The following FMO4 variants were observed in gnomAD, a reference collection of about 807,000 sequenced individuals.
The protein encoded by FMO4 is flavin containing dimethylaniline monoxygenase 4.
FMO4 carries 38 observed loss-of-function variants against 43.3 expected under a neutral mutation model. That is an observed-to-expected ratio of 0.88 (90% confidence interval 0.68 to 1.15). The LOEUF (loss-of-function observed/expected upper bound fraction) is 1.15. Ranked by LOEUF, FMO4 falls within the 50% of genes most tolerant of loss-of-function variation. The pLI is 0.00. For missense variants in FMO4, 631 were observed against 663.3 expected, an observed-to-expected ratio of 0.95 and a Z score of 0.54; for synonymous variants, 224 against 232.2, an observed-to-expected ratio of 0.96 and a Z score of 0.32.
chr1:171,337,276 G>A (rs968897961), intron 8 of FMO4, 80 bp from the exon 9 acceptor site: 1 of 908,442 alleles, frequency 1.1e-6, no homozygotes, highest in Non-Finnish European at 1.9e-6. Flanking sequence ...GCAGTGGGAG[G>A]CTAGAAATGA....
chr1:171,321,014 A>G (rs1054065635), intron 3 of FMO4, among the ~76,000 whole-genome samples: 4 of 152,050 alleles, frequency 2.6e-5, no homozygotes, highest in African/African-American at 9.7e-5. Flanking sequence ...TATAAGCAGG[A>G]GTAACCATAA....
chr1:171,336,961 G>GCAAACA (rs1553253522), intron 8 of FMO4, among the ~76,000 whole-genome samples: 62 of 147,112 alleles, frequency 4.2e-4, no homozygotes, highest in African/African-American at 1.5e-3. Context: ...ACACAAACAT[G>GCAAACA]CACACACACA....
At chr1:171,325,816 C>CTTTTTTTTTTTTTTTTTTTTTTTT (rs1558037717) in intron 5 of FMO4, among the ~76,000 whole-genome samples, 1 of 75,594 alleles carries the variant, frequency 1.3e-5, no homozygotes, top group African/African-American at 4.3e-5. Context: ...CATAGACTAT[C>CTTTTTTTTTTTTTTTTTTTTTTTT]CTTTTTTTTT....
Position 171,314,889 on chromosome 1 carries a change from C to T in FMO4, c.-151+476C>T, listed in dbSNP as rs538283270. On this transcript the variant is annotated intron_variant, in intron 1 of 9. Transcript: ENST00000367749. ...AAATCACCCAAGTCTCTCCATGTCT[C>T]ATAAAGGATTCCTACATTTGCTGGT... Among the ~76,000 whole-genome samples, 53 of 152,292 alleles carry T rather than the reference C, an allele frequency of 3.5e-4. No homozygotes were observed. In the South Asian group the frequency reaches 0.011, roughly 30 times the overall value.
At chr1:171,328,956 T>G (rs959773450) in intron 5 of FMO4, among the ~76,000 whole-genome samples, 1 of 152,174 alleles carries the variant, frequency 6.6e-6, no homozygotes, top group African/African-American at 2.4e-5. Context: ...AACTAAAATG[T>G]CCTGTTCAGG....
Position 171,319,822 on chromosome 1 carries a change from T to C in FMO4, c.-4T>C. 6.2e-7 allele frequency: 1 copy of C among 1,613,710 alleles called. No individual in the cohort carries two copies. Among genetic ancestry groups the C allele is most frequent in the South Asian group, 1.1e-5 (1 of 91,068 alleles). On this transcript the variant is annotated 5_prime_UTR_variant, in exon 3 of 10. Coordinates refer to ENST00000367749, the MANE Select transcript of FMO4 (RefSeq NM_002022.3). The stretch of plus-strand genomic sequence containing the variant: ...TGCTTGACTTTCCTCTAACAGAGCA[T>C]ACCATGGCCAAGAAAGTTGCAGTGA...
At chr1:171,319,717 A>C in intron 2 of FMO4, 101 bp from the exon 3 acceptor site, 3 of 935,936 alleles carry the variant, frequency 3.2e-6, no homozygotes, top group Non-Finnish European at 4.9e-6. Flanking sequence ...CTCAAAGATG[A>C]AAAAAAGGCA....
At chr1:171,327,333 G>C (rs1349109243) in intron 5 of FMO4, among the ~76,000 whole-genome samples, 2 of 152,194 alleles carry the variant, frequency 1.3e-5, no homozygotes, top group East Asian at 3.8e-4. Flanking sequence ...TTCTGGGAGG[G>C]AGTATAGTAT....
chr1:171,328,003 TTTAC>T (rs1212831147), intron 5 of FMO4, among the ~76,000 whole-genome samples: 2 of 152,184 alleles, frequency 1.3e-5, no homozygotes, highest in Non-Finnish European at 2.9e-5. Flanking sequence ...CTATTTTCTG[TTTAC>T]TTACTTACAT....
chr1:171,340,142 A>G (rs1663308853), intron 9 of FMO4, among the ~76,000 whole-genome samples: 1 of 152,220 alleles, frequency 6.6e-6, no homozygotes, highest in African/African-American at 2.4e-5. Flanking sequence ...CAGTTGTCCT[A>G]CGGACAACTT....
Position 171,341,473 on chromosome 1 carries a change from C to T in FMO4, c.1311C>T (p.Ile437=), listed in dbSNP as rs531809230. 33 of 1,613,882 alleles carry T rather than the reference C, an allele frequency of 2.0e-5. No individual in the cohort carries two copies. In the African/African-American group the frequency reaches 3.3e-4, roughly 16 times the overall value. ...ACTACATTGCCTACATGGATGATAT[C>T]GCTGCCTGCATAGGCACAAAGCCCA... ...KFDYIAYMDD[I]AACIGTKPSI... is the part of the protein sequence containing the mutation. Residue 437 remains isoleucine, a synonymous_variant, in exon 10 of 10, where the codon ATC becomes ATT. Transcript: ENST00000367749.
chr1:171,334,799 C>A, intron 8 of FMO4, 36 bp downstream of exon 8: 3 of 1,275,910 alleles, frequency 2.4e-6, no homozygotes, highest in Admixed American at 2.5e-5. Context: ...CTCTTTGGAT[C>A]GTAAAATTGG....
intron 8 of FMO4, among the ~76,000 whole-genome samples, chr1:171,335,616 T>C (rs1428489892): frequency 6.6e-6 from 1 of 152,172 alleles, no homozygotes; most frequent in Non-Finnish European, 1.5e-5. Context: ...CAATAACTTA[T>C]AAATAGCATA....
chr1:171,335,385 C>T (rs1663078264), intron 8 of FMO4, among the ~76,000 whole-genome samples: 1 of 152,160 alleles, frequency 6.6e-6, no homozygotes, highest in African/African-American at 2.4e-5. Context: ...AAGCAATTAG[C>T]ACAGTACTTG....
At chr1:171,316,450 A>G (rs1210109962) in intron 2 of FMO4, 123 bp downstream of exon 2, 1 of 152,230 alleles carries the variant, frequency 6.6e-6, no homozygotes, top group Non-Finnish European at 1.5e-5. Flanking sequence ...CACTGAGTAA[A>G]TATTTTGTGC....
chr1:171,327,033 T>C (rs937427836), intron 5 of FMO4, among the ~76,000 whole-genome samples: 6 of 152,218 alleles, frequency 3.9e-5, no homozygotes, highest in African/African-American at 1.4e-4. Flanking sequence ...GGAGAATCTG[T>C]CATTTGCAAG....
At chr1:171,331,092 G>A (rs996844667) in intron 5 of FMO4, among the ~76,000 whole-genome samples, 2 of 152,114 alleles carry the variant, frequency 1.3e-5, no homozygotes, top group African/African-American at 4.8e-5. Flanking sequence ...AATTTAATAT[G>A]TAAACATATT....
At chr1:171,315,988 C>CT (rs1329119883) in intron 1 of FMO4, among the ~76,000 whole-genome samples, 198 bp from the exon 2 acceptor site, 1 of 152,128 alleles carries the variant, frequency 6.6e-6, no homozygotes, top group Non-Finnish European at 1.5e-5. Context: ...TTTTTAAATT[C>CT]TAAGACTTTA....
rs1214996948 is a variant in FMO4 at position 171,337,368 on chromosome 1, T to C, written c.1193T>C (p.Ile398Thr). The change falls in exon 9 of 10, where the codon ATA (isoleucine) becomes ACA (threonine). Residue 398 changes from isoleucine (I) to threonine (T), a missense_variant. By Grantham distance (89) the Ile-to-Thr change is moderately conservative. Coordinates refer to ENST00000367749, the MANE Select transcript of FMO4 (RefSeq NM_002022.3). ...ATTTTTCCCACAGGACTCTGTAAGA[T>C]ACCTCCATCCCAAAAATTGATGATG... ...VTRVFKGLCK[I>T]PPSQKLMMEA... is the part of the protein sequence containing the mutation. 1 of 1,611,276 alleles carries C rather than the reference T, an allele frequency of 6.2e-7. No homozygotes were observed. The highest frequency in any genetic ancestry group is 8.5e-7 in the Non-Finnish European group (1 of 1,177,476).
Sources: allele counts gnomAD v4.1 joint callset (sites outside exome capture counted in the v4.1 genomes callset), GRCh38; gene constraint gnomAD v4.1.1; transcripts MANE v1.5; gene names NCBI Gene and HGNC (gene_info 2026-07-23, HGNC 2026-07-21).